The following NSFL1C variants were observed in gnomAD, a reference collection of about 807,000 sequenced individuals.
NSFL1C encodes the protein NSFL1 cofactor p47.
Under a neutral mutation model 43.1 loss-of-function variants are expected in NSFL1C, and 14 were observed. The ratio of observed to expected loss-of-function variants is 0.32; its 90% CI spans 0.21 to 0.51. The LOEUF (loss-of-function observed/expected upper bound fraction) is 0.51. Ranked by LOEUF, NSFL1C falls within the 20% of genes least tolerant of loss-of-function variation. The probability of loss-of-function intolerance (pLI) is 0.98; values close to 1 mark genes in which losing one functional copy is unlikely to be tolerated. For synonymous variants in NSFL1C, 171 were observed against 183.5 expected, an observed-to-expected ratio of 0.93 and a Z score of 0.55; for missense variants, 406 against 472.5, an observed-to-expected ratio of 0.86 and a Z score of 1.30.
At chr20:1,456,330 ACACTGCCTTT>A (rs2090299809) in intron 3 of NSFL1C, 1 of 152,844 alleles carries the variant, frequency 6.5e-6, no homozygotes, top group African/African-American at 2.4e-5. Context: ...GTACTTGATG[ACACTGCCTTT>A]CACTCAGGAG....
chr20:1,458,028 T>G, intron 3 of NSFL1C, 172 bp downstream of exon 3: 1 of 566,248 alleles, frequency 1.8e-6, no homozygotes, highest in East Asian at 2.9e-5. Context: ...GGGTCACTTC[T>G]AAGCTACAAG....
chr20:1,446,091 T>C, intron 7 of NSFL1C: 2 of 527,992 alleles, frequency 3.8e-6, no homozygotes, highest in Non-Finnish European at 6.9e-6. Flanking sequence ...TTACTCGGCC[T>C]TTTTCCTCCT....
At chr20:1,459,914 G>A (rs1158152764) in intron 2 of NSFL1C, among the ~76,000 whole-genome samples, 5 of 152,170 alleles carry the variant, frequency 3.3e-5, no homozygotes, top group African/African-American at 1.2e-4. Flanking sequence ...TCTCCCTGTT[G>A]TTAAACTTTC....
rs2090262054 is a variant in NSFL1C at position 1,454,845 on chromosome 20, CAGA to C, written c.444+119_444+121del. On this transcript the variant is annotated intron_variant, in intron 4 of 8. Coordinates refer to ENST00000216879, the MANE Select transcript of NSFL1C (RefSeq NM_016143.5). ...AGATAAACTACACTCGTGTTCCGCA[CAGA>C]AGACCAAGTAAGCAAATGAAAAAAA... 3.8e-6 allele frequency: 4 copies of C among 1,060,118 alleles called. No homozygotes were observed. In the South Asian group the frequency reaches 6.1e-5, roughly 16 times the overall value. 65.7% of individuals were successfully genotyped at this position (1,060,118 alleles called of 1,614,324 possible).
intron 3 of NSFL1C, 53 bp from the exon 4 acceptor site, chr20:1,455,185 A>C: frequency 5.0e-6 from 8 of 1,600,482 alleles, no homozygotes; most frequent in Non-Finnish European, 6.9e-6. Flanking sequence ...ACATGAATAG[A>C]GCATGTGCCA....
Position 1,466,833 on chromosome 20 carries a change from C to T in NSFL1C, c.-9G>A, listed in dbSNP as rs766658876. The T allele has an allele frequency of 6.5e-7, 1 of 1,528,220 alleles. No homozygotes were observed. The highest frequency in any genetic ancestry group is 1.2e-5 in the South Asian group (1 of 82,590). The allele number at this position is 1,528,220 out of a possible 1,614,324, so 94.7% of individuals were successfully genotyped here. ...TGTCGCTCCGCCGCCATCTTCGCCC[C>T]GTGCGCCTTCCAAAGCGCTCCGGCG... On this transcript the variant is annotated 5_prime_UTR_variant, in exon 1 of 9. Coordinates refer to ENST00000216879, the MANE Select transcript of NSFL1C (RefSeq NM_016143.5).
intron 8 of NSFL1C, 25 bp from the exon 9 acceptor site, chr20:1,443,936 G>A (rs879623388): frequency 4.4e-6 from 7 of 1,600,714 alleles, no homozygotes; most frequent in South Asian, 1.1e-5. Flanking sequence ...GAAGCGGTGA[G>A]CAGTGCCATC....
intron 7 of NSFL1C, 141 bp downstream of exon 7, chr20:1,452,352 A>ACT: frequency 8.7e-7 from 1 of 1,147,532 alleles, no homozygotes; most frequent in South Asian, 1.5e-5. Flanking sequence ...TGTTCTCCAC[A>ACT]CTCTTCCTCC....
At chr20:1,455,974 A>G (rs1349789921) in intron 3 of NSFL1C, 4 of 553,742 alleles carry the variant, frequency 7.2e-6, no homozygotes, top group Non-Finnish European at 1.3e-5. Context: ...TTGAGATAAT[A>G]AAGTTAGTAC....
Position 1,443,931 on chromosome 20 carries a change from G to A in NSFL1C, c.951-20C>T, listed in dbSNP as rs575010019. ...CTGATCCTGCAGGAGTTGGGGAAGCGGTGAGCAGTGCCATCCTCTGCTGTC... is the reference window on the plus strand; with the variant it reads ...CTGATCCTGCAGGAGTTGGGGAAGCAGTGAGCAGTGCCATCCTCTGCTGTC... On this transcript the variant is annotated intron_variant, in intron 8 of 8. Coordinates refer to ENST00000216879, the MANE Select transcript of NSFL1C (RefSeq NM_016143.5). The A allele has an allele frequency of 1.6e-5, 26 of 1,602,286 alleles. No homozygotes were observed. Among genetic ancestry groups the A allele is most frequent in the Non-Finnish European group, 2.0e-5 (24 of 1,177,592 alleles).
Position 1,454,324 on chromosome 20 carries a change from T to TC in NSFL1C, c.445-20_445-19insG. Reference sequence around the variant, plus strand: ...CAAATGGCTATAAGGGACAAGTTCATACACATTTAAGGGGTTGGTCCATGG... The same window carrying TC: ...CAAATGGCTATAAGGGACAAGTTCATCACACATTTAAGGGGTTGGTCCATGG... On this transcript the variant is annotated intron_variant, in intron 4 of 8. Coordinates refer to ENST00000216879, the MANE Select transcript of NSFL1C (RefSeq NM_016143.5). 6.3e-7 allele frequency: 1 copy of TC among 1,583,528 alleles called. No homozygotes were observed. Among genetic ancestry groups the TC allele is most frequent in the Non-Finnish European group, 8.7e-7 (1 of 1,153,980 alleles).
intron 3 of NSFL1C, 62 bp downstream of exon 3, chr20:1,458,138 A>G (rs1343296484): frequency 1.5e-6 from 2 of 1,298,374 alleles, no homozygotes; most frequent in African/African-American, 2.9e-5. Flanking sequence ...GTTCTAGGTG[A>G]TTTACACATT....
At chr20:1,445,501 T>C (rs996727548) in intron 8 of NSFL1C, among the ~76,000 whole-genome samples, 165 bp downstream of exon 8, 2 of 152,158 alleles carry the variant, frequency 1.3e-5, no homozygotes, top group African/African-American at 4.8e-5. Flanking sequence ...GGACCAGAAC[T>C]TAAGGCTTCA....
At chr20:1,466,309 G>A (rs2090509731) in intron 1 of NSFL1C, among the ~76,000 whole-genome samples, 1 of 152,202 alleles carries the variant, frequency 6.6e-6, no homozygotes, top group Non-Finnish European at 1.5e-5. Context: ...CAACTCCCGG[G>A]CTGGACTTCG....
rs955342025 is a variant in NSFL1C, at chr20:1,466,783, C to G, written c.42G>C (p.Ala14=). The change falls in exon 1 of 9, where the codon GCG becomes GCC. Residue 14 remains alanine (A), a synonymous_variant. Coordinates refer to ENST00000216879, the MANE Select transcript of NSFL1C (RefSeq NM_016143.5). ...CCCGGTCCTCCTCGGCGCCCGTCAC[C>G]GCCACGAACTCCCTCAGCGCCTCCT... ...ERQEALREFV[A]VTGAEEDRAR... The G allele has an allele frequency of 2.4e-5, 38 of 1,563,480 alleles. No homozygotes were observed. In the African/African-American group the frequency reaches 5.0e-4, roughly 21 times the overall value.
intron 1 of NSFL1C, 95 bp from the exon 2 acceptor site, chr20:1,464,521 C>A: frequency 2.0e-6 from 2 of 982,808 alleles, no homozygotes; most frequent in Admixed American, 2.0e-5. Flanking sequence ...ATGGCCAACA[C>A]TTACAAGGTA....
In NSFL1C at chr20:1,442,787, A is replaced by G. The variant is rs1169644205; in HGVS notation, c.*962T>C. 6.6e-6 allele frequency: 1 copy of G among 152,258 alleles called. No individual in the cohort carries two copies. The highest frequency in any genetic ancestry group is 2.4e-5 in the African/African-American group (1 of 41,466). 9.4% of individuals were successfully genotyped at this position (152,258 alleles called of 1,614,324 possible). ...GCCTCCTGCAAGTACCAACAGTGAC[A>G]GGTGCTTGTAGCACAGAAAACTCAC... On this transcript the variant is annotated 3_prime_UTR_variant, in exon 9 of 9. Transcript: ENST00000216879.
rs1428347813 is a variant in NSFL1C at position 1,443,739 on chromosome 20, G to A, written c.*10C>T. On this transcript the variant is annotated 3_prime_UTR_variant, in exon 9 of 9. Transcript: ENST00000216879. Reference sequence around the variant, plus strand: ...AACACAGGAGGGAGGCCAGGCAGCTGGCTGGGCGGTTATGTTAACCGCTGC... The same window carrying A: ...AACACAGGAGGGAGGCCAGGCAGCTAGCTGGGCGGTTATGTTAACCGCTGC... 1.9e-6 allele frequency: 3 copies of A among 1,612,862 alleles called. No homozygotes were observed. Among genetic ancestry groups the A allele is most frequent in the Admixed American group, 1.7e-5 (1 of 60,012 alleles).
At position 1,442,794 on chromosome 20, in the gene NSFL1C, T is replaced by C. The variant is rs2089976708; in HGVS notation, c.*955A>G. ...GCAAGTACCAACAGTGACAGGTGCT[T>C]GTAGCACAGAAAACTCACCCCTTCT... On this transcript the variant is annotated 3_prime_UTR_variant, in exon 9 of 9. Coordinates refer to ENST00000216879, the MANE Select transcript of NSFL1C (RefSeq NM_016143.5). 2 of 152,204 alleles carry C rather than the reference T, an allele frequency of 1.3e-5. No homozygotes were observed. Among genetic ancestry groups the C allele is most frequent in the Non-Finnish European group, 2.9e-5 (2 of 68,034 alleles). The allele number at this position is 152,204 out of a possible 1,614,324, so 9.4% of individuals were successfully genotyped here.
Sources: allele counts gnomAD v4.1 joint callset (sites outside exome capture counted in the v4.1 genomes callset), GRCh38; gene constraint gnomAD v4.1.1; transcripts MANE v1.5; gene names NCBI Gene and HGNC (gene_info 2026-07-23, HGNC 2026-07-21).